The following CDH8 variants were observed in gnomAD, a reference collection of about 807,000 sequenced individuals.
CDH8 encodes cadherin-8.
A neutral mutation model predicts 68.1 loss-of-function variants in CDH8; 17 were observed. That is an observed-to-expected ratio of 0.25 (90% CI 0.17 to 0.37). The LOEUF (loss-of-function observed/expected upper bound fraction) is 0.37, where lower values mean the gene tolerates loss of function less well. Ranked by LOEUF, CDH8 falls within the 10% of genes least tolerant of loss-of-function variation. The pLI, the probability that CDH8 is intolerant of heterozygous loss-of-function variation, is 1.00. For synonymous variants in CDH8, 372 were observed against 365.1 expected, an observed-to-expected ratio of 1.02 and a Z score of -0.21; for missense variants, 763 against 999.3, an observed-to-expected ratio of 0.76 and a Z score of 3.19.
At chr16:61,700,559 G>A (rs1022409013) in intron 10 of CDH8, among the ~76,000 whole-genome samples, 3 of 152,094 alleles carry the variant, frequency 2.0e-5, no homozygotes, top group African/African-American at 4.8e-5. Flanking sequence ...GATTACGAGC[G>A]TGAGCCACCG....
In CDH8 at chr16:61,655,692, T is replaced by C. The variant is rs1963430529; in HGVS notation, c.1684A>G (p.Asn562Asp). The change falls in exon 11 of 12, where the codon AAT (asparagine) becomes GAT (aspartate). Residue 562 changes from asparagine to aspartate, a missense_variant. This residue lies in a region of CDH8 where 397 missense variants were observed against 436.2 expected (regional missense o/e 0.91). Transcript: ENST00000577390. ...TCTTGCTTCTGGCGGTTGAATCCAT[T>C]ATGCTTTGCCAAAATACTGAGGGAA... ...DNSLSILAKHNGFNRQKQEVY... is the reference protein window; with the variant it reads ...DNSLSILAKHDGFNRQKQEVY... 1 of 1,613,832 alleles carries C rather than the reference T, an allele frequency of 6.2e-7. No homozygotes were observed. Among genetic ancestry groups the C allele is most frequent in the African/African-American group, 1.3e-5 (1 of 74,916 alleles).
chr16:61,956,289 AG>A (rs1439542955), intron 2 of CDH8, among the ~76,000 whole-genome samples: 1 of 152,174 alleles, frequency 6.6e-6, no homozygotes, highest in African/African-American at 2.4e-5. Flanking sequence ...GCATAACAGA[AG>A]TGATATTTAT....
intron 3 of CDH8, among the ~76,000 whole-genome samples, chr16:61,886,908 T>C (rs1308842087): frequency 6.6e-6 from 1 of 152,166 alleles, no homozygotes; most frequent in Non-Finnish European, 1.5e-5. Context: ...ACTGCTGGTA[T>C]TTCACACTGA....
chr16:62,031,674 A>AC (rs1902329443), intron 1 of CDH8, among the ~76,000 whole-genome samples: 2 of 119,858 alleles, frequency 1.7e-5, no homozygotes, highest in East Asian at 2.1e-4. Context: ...ACACACACCC[A>AC]CAAACACACA....
chr16:62,029,623 T>C (rs749693497), intron 1 of CDH8, among the ~76,000 whole-genome samples: 26 of 152,354 alleles, frequency 1.7e-4, no homozygotes, highest in Admixed American at 8.5e-4. Flanking sequence ...TACCTGTTCA[T>C]GAGTGAGCTA....
intron 7 of CDH8, among the ~76,000 whole-genome samples, chr16:61,791,918 T>C (rs1250837535): frequency 6.6e-6 from 1 of 151,998 alleles, no homozygotes; most frequent in East Asian, 1.9e-4. Context: ...GCTGGTGAAA[T>C]AGGAATTATT....
chr16:61,901,307 T>G lies in CDH8; in HGVS notation c.419A>C (p.Asp140Ala). Residue 140 changes from aspartate (D) to alanine (A), a missense_variant, in exon 3 of 12, where the codon GAC becomes GCC. Around this residue, in one of 2 missense-constraint regions of CDH8, gnomAD observed 366 missense variants for 563.1 expected, o/e 0.65. Coordinates refer to ENST00000577390, the MANE Select transcript of CDH8 (RefSeq NM_001796.5). ...CTCCAGAGGTTTGCTTGTCTCCCAGTCCACTGCTTGAGCTGTTAGGGTATA... is the reference window on the plus strand; with the variant it reads ...CTCCAGAGGTTTGCTTGTCTCCCAGGCCACTGCTTGAGCTGTTAGGGTATA... ...AEYTLTAQAV[D>A]WETSKPLEPP... 6.2e-7 allele frequency: 1 copy of G among 1,614,004 alleles called. No individual in the cohort carries two copies. The highest frequency in any genetic ancestry group is 8.5e-7 in the Non-Finnish European group (1 of 1,179,968).
At chr16:61,999,215 A>G (rs2150595170) in intron 2 of CDH8, among the ~76,000 whole-genome samples, 1 of 152,322 alleles carries the variant, frequency 6.6e-6, no homozygotes, top group South Asian at 2.1e-4. Flanking sequence ...GCCAAAATAT[A>G]AAGATTACCA....
intron 9 of CDH8, among the ~76,000 whole-genome samples, chr16:61,722,511 C>T (rs934242428): frequency 1.3e-5 from 2 of 150,854 alleles, no homozygotes; most frequent in African/African-American, 4.8e-5. Context: ...GATTGTATTA[C>T]AACAATTAGC....
chr16:61,937,464 G>A (rs1964645968), intron 2 of CDH8, among the ~76,000 whole-genome samples: 1 of 152,178 alleles, frequency 6.6e-6, no homozygotes, highest in Middle Eastern at 3.4e-3. Context: ...TCTTAATGCC[G>A]GACATCAGCA....
At chr16:62,035,862 A>C (rs566383172) in intron 1 of CDH8, among the ~76,000 whole-genome samples, 115 of 152,344 alleles carry the variant, frequency 7.5e-4, no homozygotes, top group Non-Finnish European at 1.4e-3. Flanking sequence ...TTGCAAAAAC[A>C]GTCAGGCAAA....
At chr16:61,856,778 C>G (rs1445820240) in intron 4 of CDH8, among the ~76,000 whole-genome samples, 3 of 152,102 alleles carry the variant, frequency 2.0e-5, no homozygotes, top group Non-Finnish European at 4.4e-5. Flanking sequence ...AACTTAGATA[C>G]TTTTCAAGCA....
intron 2 of CDH8, among the ~76,000 whole-genome samples, chr16:61,921,062 C>T (rs1473016991): frequency 7.3e-6 from 1 of 137,120 alleles, no homozygotes; most frequent in African/African-American, 2.8e-5. Context: ...AATGAGAACA[C>T]ATGGACACAG....
At position 61,677,920 on chromosome 16, in the gene CDH8, C is replaced by T. The variant is rs557224314; in HGVS notation, c.1655-22199G>A. Among the ~76,000 whole-genome samples the T allele has an allele frequency of 6.6e-5, 10 of 152,092 alleles. No individual in the cohort carries two copies. In the East Asian group the frequency reaches 9.7e-4, roughly 15 times the overall value. On this transcript the variant is annotated intron_variant, in intron 10 of 11. Coordinates refer to ENST00000577390, the MANE Select transcript of CDH8 (RefSeq NM_001796.5). Reference sequence around the variant, plus strand: ...TAAGGAAAAGTCGACCAGCATTTAACGTCAACACAGACCTTAAGTCTGATA... The same window carrying T: ...TAAGGAAAAGTCGACCAGCATTTAATGTCAACACAGACCTTAAGTCTGATA...
At chr16:61,765,852 A>G (rs1159286298) in intron 8 of CDH8, among the ~76,000 whole-genome samples, 1 of 151,984 alleles carries the variant, frequency 6.6e-6, no homozygotes, top group African/African-American at 2.4e-5. Flanking sequence ...CCATGACTCC[A>G]TGTGATACTG....
chr16:61,706,644 A>AAAAAAAAAAAAAAAAT (rs1468847521), intron 10 of CDH8, among the ~76,000 whole-genome samples: 4 of 148,132 alleles, frequency 2.7e-5, no homozygotes, highest in Non-Finnish European at 6.0e-5. Context: ...AAAAAAAAAA[A>AAAAAAAAAAAAAAAAT]GTGTAACTGG....
chr16:61,857,023 G>A, intron 4 of CDH8, 96 bp downstream of exon 4: 2 of 1,382,158 alleles, frequency 1.4e-6, no homozygotes, highest in Non-Finnish European at 2.0e-6. Flanking sequence ...AGGCAGTGAA[G>A]TACTTACACA....
rs1007153952 is a variant in CDH8, at chr16:61,648,740, T to G, written c.*4868A>C. The G allele has an allele frequency of 2.6e-5, 4 of 151,984 alleles. No homozygotes were observed. The highest frequency in any genetic ancestry group is 4.4e-5 in the Non-Finnish European group (3 of 67,928). 9.4% of individuals were successfully genotyped at this position (151,984 alleles called of 1,614,324 possible). On this transcript the variant is annotated 3_prime_UTR_variant, in exon 12 of 12. Coordinates refer to ENST00000577390, the MANE Select transcript of CDH8 (RefSeq NM_001796.5). The stretch of plus-strand genomic sequence containing the variant: ...CAACCATGTAGCTTAATTTCTGTAC[T>G]GATAGATACTCAATAAATGTGACAG...
At chr16:61,822,205 CTTTTTTTTTTTTTTTTTTTTTTTTT>C (rs71707137) in intron 5 of CDH8, among the ~76,000 whole-genome samples, 54 of 45,650 alleles carry the variant, frequency 1.2e-3, no homozygotes, top group African/African-American at 2.5e-3. Flanking sequence ...AAAAACGCAC[CTTTTTTTTTTTTTTTTTTTTTTTTT>C]TTTTTTTTTT....
Sources: allele counts gnomAD v4.1 joint callset (sites outside exome capture counted in the v4.1 genomes callset), GRCh38; gene constraint gnomAD v4.1.1; regional missense constraint gnomAD v4.1.1; transcripts MANE v1.5; gene names NCBI Gene and HGNC (gene_info 2026-07-23, HGNC 2026-07-21).